RNF125: variants seen among roughly 807,000 people sequenced by gnomAD.
RNF125 encodes the protein ring finger protein 125, also known as E3 ubiquitin-protein ligase RNF125.
In RNF125, 21 loss-of-function variants were observed where a neutral mutation model predicts 26.0. The ratio of observed to expected loss-of-function variants is 0.81; its 90% CI spans 0.57 to 1.16. The LOEUF is 1.16. RNF125 is among the 50% of genes most tolerant of loss of function. The probability of loss-of-function intolerance (pLI) is 0.00; values close to 1 mark genes in which losing one functional copy is unlikely to be tolerated. For missense variants in RNF125, 270 were observed against 299.4 expected (o/e 0.90, Z 0.72); for synonymous variants, 95 against 109.2 (o/e 0.87, Z 0.81).
intron 2 of RNF125, chr18:32,041,977 C>T: frequency 1.9e-6 from 1 of 530,740 alleles, no homozygotes; most frequent in Non-Finnish European, 3.3e-6. Context: ...ACAGTTGGAT[C>T]TTCTAAGTAT....
At chr18:32,083,382 T>A in the RNF125 span, among the ~76,000 whole-genome samples, 1 of 152,180 alleles carries the variant, frequency 6.6e-6, no homozygotes, top group Non-Finnish European at 1.5e-5. Flanking sequence ...TTCGAGAAAA[T>A]AATAAATGCC....
intron 1 of RNF125, among the ~76,000 whole-genome samples, chr18:32,022,327 G>T (rs1472003363): frequency 2.6e-5 from 4 of 152,188 alleles, no homozygotes; most frequent in Non-Finnish European, 5.9e-5. Context: ...CCCTTACAGA[G>T]AGCTGGATTT....
In RNF125 at chr18:32,018,952, T is replaced by G. The variant is rs1403657149; in HGVS notation, c.89T>G (p.Leu30Trp). The G allele has an allele frequency of 5.0e-6, 8 of 1,613,638 alleles. No homozygotes were observed. Among genetic ancestry groups the G allele is most frequent in the Non-Finnish European group, 6.8e-6 (8 of 1,179,878 alleles). Reference protein sequence around the residue: ...RALERRRDPELPVTSFDCAVC... With the variant: ...RALERRRDPEWPVTSFDCAVC... ...CTGGAGCGCAGGAGGGACCCGGAGTTGCCCGTCACGTCCTTCGACTGCGCC... is the reference window on the plus strand; with the variant it reads ...CTGGAGCGCAGGAGGGACCCGGAGTGGCCCGTCACGTCCTTCGACTGCGCC... The change falls in exon 1 of 6, where the codon TTG (leucine) becomes TGG (tryptophan). Residue 30 changes from leucine to tryptophan, a missense_variant. By Grantham distance (61) the Leu-to-Trp change is moderately conservative. Transcript: ENST00000217740.
At chr18:32,048,140 A>C (rs957231077) in intron 4 of RNF125, among the ~76,000 whole-genome samples, 16 of 151,724 alleles carry the variant, frequency 1.1e-4, no homozygotes, top group African/African-American at 3.4e-4. Context: ...GGCCGGGTGC[A>C]GTGGCTCATG....
chr18:32,037,403 G>A (rs1429434041), intron 2 of RNF125, 134 bp downstream of exon 2: 4 of 497,250 alleles, frequency 8.0e-6, no homozygotes, highest in South Asian at 3.2e-5. Context: ...ACAGGTTCTC[G>A]CTCTTTCACC....
At chr18:32,060,026 G>C (rs1342890778) in intron 4 of RNF125, among the ~76,000 whole-genome samples, 1 of 152,028 alleles carries the variant, frequency 6.6e-6, no homozygotes, top group Admixed American at 6.6e-5. Context: ...CCTCAATTTG[G>C]TCATTTGTAA....
At chr18:32,073,352 A>T (rs576412907), downstream of RNF125, 1 of 152,164 alleles carries the variant, frequency 6.6e-6, no homozygotes, top group Non-Finnish European at 1.5e-5. Context: ...CCCAGCAGAC[A>T]TTGGCAATGT....
chr18:32,051,172 T>C (rs2039323219), intron 4 of RNF125, among the ~76,000 whole-genome samples: 1 of 152,164 alleles, frequency 6.6e-6, no homozygotes, highest in East Asian at 1.9e-4. Context: ...CCACAACTTA[T>C]AATTGCATAT....
rs546880737 is a variant in RNF125, at chr18:32,047,122, C to T, written c.504+1390C>T. ...CTTGATCTTGGCTCACTGCAACCTC[C>T]GCCTCCCAGGTTCAAGCCATTCCCC... On this transcript the variant is annotated intron_variant, in intron 4 of 5. Transcript: ENST00000217740. Among the ~76,000 whole-genome samples, 7 of 152,130 alleles carry T rather than the reference C, an allele frequency of 4.6e-5. No individual in the cohort carries two copies. The South Asian group carries it at 6.2e-4, about 13-fold the overall frequency.
At chr18:32,078,636 T>C in the RNF125 span, among the ~76,000 whole-genome samples, 1 of 150,654 alleles carries the variant, frequency 6.6e-6, no homozygotes, top group Non-Finnish European at 1.5e-5. Flanking sequence ...TGAGACCAAA[T>C]CTCTAAAAAA....
chr18:32,041,212 T>C (rs1441792097), intron 2 of RNF125, among the ~76,000 whole-genome samples: 4 of 152,196 alleles, frequency 2.6e-5, no homozygotes, highest in Non-Finnish European at 5.9e-5. Flanking sequence ...TCTGAATGTA[T>C]ATGTGAAAGA....
intron 1 of RNF125, among the ~76,000 whole-genome samples, chr18:32,025,081 C>CA (rs1387090327): frequency 6.6e-6 from 1 of 151,764 alleles, no homozygotes; most frequent in Non-Finnish European, 1.5e-5. Flanking sequence ...CAAAAACAAA[C>CA]AAAAAAACCT....
Position 32,018,844 on chromosome 18 carries a change from T to G in RNF125, c.-20T>G. 1 of 1,545,982 alleles carries G rather than the reference T, an allele frequency of 6.5e-7. No individual in the cohort carries two copies. On this transcript the variant is annotated 5_prime_UTR_variant, in exon 1 of 6. Coordinates refer to ENST00000217740, the MANE Select transcript of RNF125 (RefSeq NM_017831.4). ...GCAGGCACTGAGTGCTTCGCAGCTG[T>G]CTGGGCGAGAGGCACAGCGATGGGC...
chr18:32,064,402 T>TC (rs201731468), intron 4 of RNF125, among the ~76,000 whole-genome samples: 56 of 121,018 alleles, frequency 4.6e-4, no homozygotes, highest in African/African-American at 1.4e-3. Flanking sequence ...TTTTCTTTTT[T>TC]TTTTTTTTTT....
chr18:32,018,937 G>A lies in RNF125; in HGVS notation c.74G>A (p.Arg25Lys). ...GCCACCGCGCGGGCCCTGGAGCGCA[G>A]GAGGGACCCGGAGTTGCCCGTCACG... The part of the protein sequence containing the change: ...ASATARALER[R>K]RDPELPVTSF... Residue 25 changes from arginine to lysine, a missense_variant, in exon 1 of 6, where the codon AGG becomes AAG. Physicochemically the swap from Arg to Lys is conservative, Grantham distance 26. Coordinates refer to ENST00000217740, the MANE Select transcript of RNF125 (RefSeq NM_017831.4). 3 of 1,613,350 alleles carry A rather than the reference G, an allele frequency of 1.9e-6. No individual in the cohort carries two copies. Among genetic ancestry groups the A allele is most frequent in the Non-Finnish European group, 2.5e-6 (3 of 1,179,730 alleles).
intron 2 of RNF125, among the ~76,000 whole-genome samples, chr18:32,041,048 A>G (rs2039211504): frequency 6.6e-6 from 1 of 152,188 alleles, no homozygotes; most frequent in African/African-American, 2.4e-5. Context: ...TTTGAGGTTT[A>G]ACTTCCGTAG....
chr18:32,031,544 T>A (rs1002411494), intron 1 of RNF125, among the ~76,000 whole-genome samples: 14 of 119,706 alleles, frequency 1.2e-4, no homozygotes, highest in Non-Finnish European at 2.3e-4. Flanking sequence ...AAAAACAAAA[T>A]GTTATCTGCT....
intron 4 of RNF125, among the ~76,000 whole-genome samples, chr18:32,061,304 G>A (rs1216249963): frequency 5.9e-5 from 9 of 152,180 alleles, no homozygotes; most frequent in East Asian, 1.9e-4. Context: ...GATTACAGGC[G>A]TGAGCCCCCG....
chr18:32,038,634 G>A (rs2039185266), intron 2 of RNF125, among the ~76,000 whole-genome samples: 2 of 152,092 alleles, frequency 1.3e-5, no homozygotes, highest in Admixed American at 1.3e-4. Flanking sequence ...TTCAACTTGG[G>A]TACTATATCA....
Sources: allele counts gnomAD v4.1 joint callset (sites outside exome capture counted in the v4.1 genomes callset), GRCh38; gene constraint gnomAD v4.1.1; transcripts MANE v1.5; gene names NCBI Gene and HGNC (gene_info 2026-07-23, HGNC 2026-07-21).